ZC3H18: variants seen among roughly 807,000 people sequenced by gnomAD.
ZC3H18 encodes zinc finger CCCH domain-containing protein 18.
A neutral mutation model predicts 106.1 loss-of-function variants in ZC3H18; 8 were observed. The ratio of observed to expected loss-of-function variants is 0.08; its 90% CI spans 0.04 to 0.14. The LOEUF (loss-of-function observed/expected upper bound fraction) is 0.14, where lower values mean the gene tolerates loss of function less well. ZC3H18 is among the 10% of genes least tolerant of loss of function. The probability of loss-of-function intolerance (pLI) is 1.00; values close to 1 mark genes in which losing one functional copy is unlikely to be tolerated. For missense variants in ZC3H18, 1,318 were observed against 1,278.4 expected, an observed-to-expected ratio of 1.03 and a Z score of -0.47; for synonymous variants, 635 against 522.1, an observed-to-expected ratio of 1.22 and a Z score of -2.95.
intron 8 of ZC3H18, among the ~76,000 whole-genome samples, chr16:88,615,665 CAT>C (rs1374757465): frequency 6.6e-6 from 1 of 152,180 alleles, no homozygotes; most frequent in Non-Finnish European, 1.5e-5. Context: ...GAAGCAGAGA[CAT>C]AGAAAGGCAG....
chr16:88,611,779 A>G lies in ZC3H18; in HGVS notation c.1475+243A>G, dbSNP rs188954601. ...TCCTGGGAGGCTGTTCTCATTCTAG[A>G]GGATCTCACTGATGTGAAAATGCTT... On this transcript the variant is annotated intron_variant, in intron 8 of 17. Transcript: ENST00000301011. 3.3e-5 allele frequency among the ~76,000 whole-genome samples: 5 copies of G among 152,328 alleles called. No homozygotes were observed. In the East Asian group the frequency reaches 7.7e-4, roughly 24 times the overall value.
chr16:88,571,752 C>T (rs545933802), intron 1 of ZC3H18: 1 of 904,764 alleles, frequency 1.1e-6, no homozygotes. Flanking sequence ...AGGTGAGTAC[C>T]TCTTTATCAA....
At chr16:88,575,508 G>A (rs1210229571) in intron 1 of ZC3H18, among the ~76,000 whole-genome samples, 1 of 152,010 alleles carries the variant, frequency 6.6e-6, no homozygotes, top group East Asian at 1.9e-4. Flanking sequence ...AGCTGCCCTG[G>A]TAGTGGTGGT....
At chr16:88,571,693 C>G in intron 1 of ZC3H18, 2 of 984,852 alleles carry the variant, frequency 2.0e-6, no homozygotes, top group Non-Finnish European at 2.4e-6. Flanking sequence ...CTATGGCCTA[C>G]ATCGTGTTTA....
At chr16:88,600,358 A>G (rs1417467372) in intron 6 of ZC3H18, among the ~76,000 whole-genome samples, 2 of 152,180 alleles carry the variant, frequency 1.3e-5, no homozygotes, top group Non-Finnish European at 2.9e-5. Context: ...CTTCGCTGTC[A>G]GGGCTGTTCT....
At chr16:88,616,539 G>A (rs1161958594) in intron 8 of ZC3H18, among the ~76,000 whole-genome samples, 1 of 152,304 alleles carries the variant, frequency 6.6e-6, no homozygotes, top group African/African-American at 2.4e-5. Context: ...CTACCTGCCT[G>A]GAGGACAAGG....
At chr16:88,578,983 C>T (rs1015477440) in intron 2 of ZC3H18, among the ~76,000 whole-genome samples, 7 of 152,180 alleles carry the variant, frequency 4.6e-5, no homozygotes, top group South Asian at 2.1e-4. Flanking sequence ...GCACCACGCC[C>T]GGCGGGTGCC....
chr16:88,607,593 T>A (rs1022385383), intron 6 of ZC3H18, among the ~76,000 whole-genome samples: 1 of 152,080 alleles, frequency 6.6e-6, no homozygotes, highest in Non-Finnish European at 1.5e-5. Flanking sequence ...ATCAGGCGTC[T>A]CCCCATTTAT....
intron 17 of ZC3H18, among the ~76,000 whole-genome samples, 167 bp downstream of exon 17, chr16:88,630,748 C>G (rs56974587): frequency 1.4e-5 from 1 of 71,314 alleles, no homozygotes; most frequent in Middle Eastern, 6.8e-3. Flanking sequence ...ATTGCAGCCC[C>G]ACCCCCCACC....
At chr16:88,581,270 A>C (rs1392731794) in intron 2 of ZC3H18, among the ~76,000 whole-genome samples, 2 of 152,194 alleles carry the variant, frequency 1.3e-5, no homozygotes, top group Non-Finnish European at 2.9e-5. Flanking sequence ...CCAAAGTGCC[A>C]AGCCACTGTC....
intron 8 of ZC3H18, among the ~76,000 whole-genome samples, 170 bp from the exon 9 acceptor site, chr16:88,622,027 G>T (rs1111434): frequency 0.37 from 56,609 of 151,996 alleles, 10,775 homozygotes; most frequent in South Asian, 0.55. Flanking sequence ...CAAGTCCATG[G>T]GGTGATGGGT....
At chr16:88,622,965 A>G (rs1415174443) in intron 9 of ZC3H18, 4 of 522,522 alleles carry the variant, frequency 7.7e-6, no homozygotes, top group Middle Eastern at 1.1e-3. Context: ...CCACCCGGTA[A>G]CAGCAGGCAC....
intron 8 of ZC3H18, among the ~76,000 whole-genome samples, chr16:88,618,282 A>G (rs1272744886): frequency 1.3e-5 from 2 of 151,824 alleles, no homozygotes; most frequent in Non-Finnish European, 2.9e-5. Context: ...TGGGGAGAGC[A>G]TGTGGCCCGT....
chr16:88,629,076 C>T (rs58553631), intron 16 of ZC3H18, among the ~76,000 whole-genome samples: 36,822 of 152,248 alleles, frequency 0.24, 4,838 homozygotes, highest in East Asian at 0.37. Context: ...TGGTGGCTCA[C>T]GCCTATAATC....
intron 2 of ZC3H18, among the ~76,000 whole-genome samples, chr16:88,583,451 G>A (rs1915255290): frequency 6.6e-6 from 1 of 152,216 alleles, no homozygotes; most frequent in Admixed American, 6.5e-5. Flanking sequence ...CTTGCCCCGT[G>A]GTGCAAAGGG....
intron 3 of ZC3H18, among the ~76,000 whole-genome samples, chr16:88,591,846 T>A (rs1385185769): frequency 6.6e-6 from 1 of 152,264 alleles, no homozygotes; most frequent in African/African-American, 2.4e-5. Flanking sequence ...TGGTTGTGTG[T>A]TTCATCTTTT....
At chr16:88,617,267 A>G (rs926738080) in intron 8 of ZC3H18, among the ~76,000 whole-genome samples, 2 of 101,244 alleles carry the variant, frequency 2.0e-5, no homozygotes, top group Non-Finnish European at 4.0e-5. Flanking sequence ...TATCTCTGGC[A>G]GGGCTTCTTG....
intron 9 of ZC3H18, 152 bp downstream of exon 9, chr16:88,622,540 G>A (rs1027720062): frequency 4.0e-5 from 33 of 818,246 alleles, no homozygotes; most frequent in South Asian, 1.9e-4. Flanking sequence ...CTAACCCGGC[G>A]TTTATACCTT....
rs988691614 is a variant in ZC3H18 at position 88,627,107 on chromosome 16, T to C, written c.2109-515T>C. 1 of 152,738 alleles carries C rather than the reference T, an allele frequency of 6.5e-6. No homozygotes were observed. The highest frequency in any genetic ancestry group is 1.5e-5 in the Non-Finnish European group (1 of 68,410). The allele number at this position is 152,738 out of a possible 1,614,324, so 9.5% of individuals were successfully genotyped here. A position where few individuals can be genotyped will look rare whatever the true frequency, so the allele number is the denominator to read the frequency against. ...GTTTTGAGACGGAGTTTCACTCTTG[T>C]CGCCCAGGCTGGAGTGCGATGGCAT... On this transcript the variant is annotated intron_variant, in intron 13 of 17. Transcript: ENST00000301011. This position sits in a 1 kb window ranked among gnomAD's most constrained non-coding sequence, Gnocchi z 4.5.
Sources: allele counts gnomAD v4.1 joint callset (sites outside exome capture counted in the v4.1 genomes callset), GRCh38; gene constraint gnomAD v4.1.1; non-coding constraint Gnocchi (gnomAD v3.1); transcripts MANE v1.5; gene names NCBI Gene and HGNC (gene_info 2026-07-23, HGNC 2026-07-21).